The following TSC22D1 variants were observed in gnomAD, a reference collection of about 807,000 sequenced individuals.
The protein encoded by TSC22D1 is TSC22 domain family protein 1.
A neutral mutation model predicts 74.2 loss-of-function variants in TSC22D1; 9 were observed. That is an observed-to-expected ratio of 0.12 (90% confidence interval 0.07 to 0.21). The LOEUF (loss-of-function observed/expected upper bound fraction) is 0.21. Among genes scored for constraint, TSC22D1 ranks in the 10% least tolerant of loss-of-function variants. The pLI is 1.00. For synonymous variants in TSC22D1, 586 were observed against 492.5 expected (o/e 1.19, Z -2.51); for missense variants, 1,427 against 1,304.7 (o/e 1.09, Z -1.44).
intron 1 of TSC22D1, among the ~76,000 whole-genome samples, chr13:44,501,919 T>G (rs1879237518): frequency 6.6e-6 from 1 of 152,212 alleles, no homozygotes; most frequent in South Asian, 2.1e-4. Flanking sequence ...TACCTAAAAT[T>G]GTACTCACAT....
Position 44,446,802 on chromosome 13 carries a change from AAAG to A in TSC22D1, c.2913-10710_2913-10708del, listed in dbSNP as rs1405631295. 4.8e-5 allele frequency among the ~76,000 whole-genome samples: 6 copies of A among 125,176 alleles called. No homozygotes were observed. In the East Asian group the frequency reaches 1.2e-3, roughly 26 times the overall value. 82.1% of individuals were successfully genotyped at this position (125,176 alleles called of 152,430 possible). On this transcript the variant is annotated intron_variant, in intron 1 of 2. Coordinates refer to ENST00000458659, the MANE Select transcript of TSC22D1 (RefSeq NM_183422.4). ...AGGAAGAAGAGGAGGAGGAGGAGGA[AAAG>A]GAGGAGGAAGAGGAGGAGGAAGAAG...
Position 44,434,306 on chromosome 13 carries a change from G to T in TSC22D1, c.*320C>A. The T allele has an allele frequency of 7.3e-7, 1 of 1,372,804 alleles. No homozygotes were observed. The highest frequency in any genetic ancestry group is 9.3e-7 in the Non-Finnish European group (1 of 1,073,244). The allele number at this position is 1,372,804 out of a possible 1,614,324, so 85.0% of individuals were successfully genotyped here. A position where few individuals can be genotyped will look rare whatever the true frequency, so the allele number is the denominator to read the frequency against. On this transcript the variant is annotated 3_prime_UTR_variant, in exon 3 of 3. Coordinates refer to ENST00000458659, the MANE Select transcript of TSC22D1 (RefSeq NM_183422.4). ...GAGAACCCTTGGAAGTGAGGGGTAG[G>T]GAGCCGGAAGGGATGGAAAGGCACA...
At chr13:44,494,654 G>C (rs935597204) in intron 1 of TSC22D1, among the ~76,000 whole-genome samples, 2 of 152,024 alleles carry the variant, frequency 1.3e-5, no homozygotes, top group Non-Finnish European at 2.9e-5. Context: ...GGAAGAATCT[G>C]AATTCCAGCA....
At position 44,569,150 on chromosome 13, in the gene TSC22D1, A is replaced by G. The variant is rs372150112; in HGVS notation, c.2912+4013T>C. Among the ~76,000 whole-genome samples the G allele has an allele frequency of 1.3e-4, 20 of 152,250 alleles. No homozygotes were observed. In the South Asian group the frequency reaches 3.7e-3, roughly 28 times the overall value. The stretch of plus-strand genomic sequence containing the variant: ...GAATTTCCAAATTCATTTAATTCTT[A>G]TATCAACCCAATGAGGTAACTACTA... On this transcript the variant is annotated intron_variant, in intron 1 of 2. Transcript: ENST00000458659.
chr13:44,480,080 C>T (rs1417512545), intron 1 of TSC22D1, among the ~76,000 whole-genome samples: 6 of 149,288 alleles, frequency 4.0e-5, no homozygotes, highest in African/African-American at 1.5e-4. Flanking sequence ...GTGTTAATAA[C>T]AAGACTGATA....
intron 1 of TSC22D1, 28 bp from the exon 2 acceptor site, chr13:44,436,123 C>A: frequency 6.2e-7 from 1 of 1,605,062 alleles, no homozygotes; most frequent in Admixed American, 1.7e-5. Context: ...AAAAGGTCAT[C>A]GATAAATGGA....
chr13:44,517,879 T>TTTTTTTTTTTA (rs1269388082), intron 1 of TSC22D1, among the ~76,000 whole-genome samples: 1 of 120,738 alleles, frequency 8.3e-6, no homozygotes, highest in Non-Finnish European at 1.7e-5. Context: ...TTTTTTTTTT[T>TTTTTTTTTTTA]AACAAGGTCT....
chr13:44,489,297 T>A (rs1175145825), intron 1 of TSC22D1, among the ~76,000 whole-genome samples: 2 of 150,616 alleles, frequency 1.3e-5, no homozygotes, highest in Non-Finnish European at 3.0e-5. Flanking sequence ...ATTTTGGGAA[T>A]AGGCAAAGAT....
At chr13:44,494,737 T>C (rs1029673149) in intron 1 of TSC22D1, among the ~76,000 whole-genome samples, 1 of 152,038 alleles carries the variant, frequency 6.6e-6, no homozygotes, top group Non-Finnish European at 1.5e-5. Flanking sequence ...AAAGAAAATA[T>C]GACCCATCAT....
At chr13:44,508,381 T>C (rs1363708081) in intron 1 of TSC22D1, among the ~76,000 whole-genome samples, 2 of 152,218 alleles carry the variant, frequency 1.3e-5, no homozygotes, top group Non-Finnish European at 2.9e-5. Context: ...GTTCATACGT[T>C]CTATAAGCTT....
intron 1 of TSC22D1, among the ~76,000 whole-genome samples, chr13:44,540,470 C>A (rs994028459): frequency 6.6e-6 from 1 of 152,136 alleles, no homozygotes; most frequent in Non-Finnish European, 1.5e-5. Flanking sequence ...TATAGCAATA[C>A]AAAGCTAAGC....
intron 1 of TSC22D1, among the ~76,000 whole-genome samples, chr13:44,441,332 T>A (rs1214109017): frequency 6.6e-6 from 1 of 152,222 alleles, no homozygotes; most frequent in Non-Finnish European, 1.5e-5. Flanking sequence ...GATAGGTGTA[T>A]GATAGATCTA....
At chr13:44,458,847 C>G (rs1346314874) in intron 1 of TSC22D1, among the ~76,000 whole-genome samples, 2 of 152,184 alleles carry the variant, frequency 1.3e-5, no homozygotes, top group African/African-American at 4.8e-5. Context: ...ACCTTGGGCA[C>G]CGACAAGTGC....
At chr13:44,569,657 A>C (rs1265108402) in intron 1 of TSC22D1, among the ~76,000 whole-genome samples, 2 of 152,222 alleles carry the variant, frequency 1.3e-5, no homozygotes, top group Admixed American at 6.5e-5. Flanking sequence ...ACCTACTATA[A>C]AACAGGCAAT....
At chr13:44,454,567 T>C (rs1033959327) in intron 1 of TSC22D1, among the ~76,000 whole-genome samples, 4 of 152,186 alleles carry the variant, frequency 2.6e-5, no homozygotes, top group African/African-American at 7.2e-5. Flanking sequence ...CTATATTTAC[T>C]ATGTTTAGTT....
At position 44,472,610 on chromosome 13, in the gene TSC22D1, A is replaced by C. The variant is rs572134004; in HGVS notation, c.2913-36515T>G. On this transcript the variant is annotated intron_variant, in intron 1 of 2. Transcript: ENST00000458659. ...GTGGGCAGATCACTTGAGTCCGGGA[A>C]TTTGAGACCACCCTGGACAAAATGG... Among the ~76,000 whole-genome samples, 8 of 152,138 alleles carry C rather than the reference A, an allele frequency of 5.3e-5. No homozygotes were observed. The East Asian group carries it at 1.6e-3, about 30-fold the overall frequency.
intron 1 of TSC22D1, among the ~76,000 whole-genome samples, chr13:44,511,650 AC>A (rs1280109447): frequency 2.7e-5 from 4 of 148,958 alleles, no homozygotes; most frequent in South Asian, 2.1e-4. Flanking sequence ...ACACACACAC[AC>A]TTTTTTGTTG....
chr13:44,572,312 C>A (rs937200373), intron 1 of TSC22D1, among the ~76,000 whole-genome samples: 1 of 152,032 alleles, frequency 6.6e-6, no homozygotes, highest in Non-Finnish European at 1.5e-5. Flanking sequence ...CGTGAAAAAA[C>A]GCTTGGTTTA....
chr13:44,540,041 C>A (rs1272208234), intron 1 of TSC22D1: 2 of 706,910 alleles, frequency 2.8e-6, no homozygotes, highest in African/African-American at 1.9e-5. Context: ...TACCTTTGGG[C>A]ATACTTTCTT....
Sources: gnomAD v4.1 joint callset for allele counts (sites outside exome capture counted in the v4.1 genomes callset) on GRCh38, gnomAD v4.1.1 for gene constraint, MANE v1.5 for transcripts, NCBI Gene and HGNC (gene_info 2026-07-23, HGNC 2026-07-21) for gene names.